The following FAM221B variants were observed in gnomAD, a reference collection of about 807,000 sequenced individuals.
The protein encoded by FAM221B is family with sequence similarity 221 member B, also known as protein FAM221B.
FAM221B carries 35 observed loss-of-function variants against 39.8 expected under a neutral mutation model. The ratio of observed to expected loss-of-function variants is 0.88; its 90% CI spans 0.67 to 1.17. The LOEUF (loss-of-function observed/expected upper bound fraction) is 1.17. FAM221B is among the 50% of genes most tolerant of loss of function. The pLI, the probability that FAM221B is intolerant of heterozygous loss-of-function variation, is 0.00. For missense variants in FAM221B, 479 were observed against 503.1 expected (o/e 0.95, Z 0.46); for synonymous variants, 158 against 178.1 (o/e 0.89, Z 0.90).
chr9:35,826,202 T>TA (rs1268271728), intron 1 of FAM221B, 41 bp from the exon 2 acceptor site: 2 of 1,493,638 alleles, frequency 1.3e-6, no homozygotes, highest in South Asian at 1.3e-5. Flanking sequence ...AGGTTGGAAA[T>TA]AGAGGGCCGG....
chr9:35,824,647 C>T (rs1241442364), intron 3 of FAM221B, among the ~76,000 whole-genome samples: 2 of 151,532 alleles, frequency 1.3e-5, no homozygotes, highest in Non-Finnish European at 2.9e-5. Flanking sequence ...TGGGGTGGGC[C>T]ATGACCCTTC....
chr9:35,825,158 G>T lies in FAM221B; in HGVS notation c.742+72C>A. On this transcript the variant is annotated intron_variant, in intron 3 of 6. Transcript: ENST00000423537. This position sits in a 1 kb window ranked among gnomAD's most constrained non-coding sequence, Gnocchi z 4.2. ...GGGAAGCTATCTGCTGAATGTTCAG[G>T]TTCCCAGATCTTTTGGATTAGAGGA... 1 of 1,565,556 alleles carries T rather than the reference G, an allele frequency of 6.4e-7. No individual in the cohort carries two copies. Among genetic ancestry groups the T allele is most frequent in the East Asian group, 2.3e-5 (1 of 44,436 alleles).
chr9:35,820,054 G>A (rs970919359), intron 3 of FAM221B, 54 bp from the exon 4 acceptor site: 1 of 1,347,646 alleles, frequency 7.4e-7, no homozygotes, highest in East Asian at 2.3e-5. Context: ...CTCCCCCGAA[G>A]TGTTCTTACC....
At chr9:35,819,155 C>T (rs1564005129) in intron 5 of FAM221B, 42 bp downstream of exon 5, 2 of 1,540,164 alleles carry the variant, frequency 1.3e-6, no homozygotes, top group Non-Finnish European at 1.8e-6. Flanking sequence ...ATCCTATCCC[C>T]ACCTACCCTG....
chr9:35,822,324 T>A (rs1829168476), intron 3 of FAM221B, among the ~76,000 whole-genome samples: 1 of 152,192 alleles, frequency 6.6e-6, no homozygotes, highest in Non-Finnish European at 1.5e-5. Context: ...TCCAGGCATT[T>A]CCCTCTCTCT....
intron 3 of FAM221B, among the ~76,000 whole-genome samples, chr9:35,823,251 A>G (rs1564006732): frequency 6.6e-6 from 1 of 152,226 alleles, no homozygotes; most frequent in Non-Finnish European, 1.5e-5. Flanking sequence ...CCTTGATTAT[A>G]GCAATTATTA....
At chr9:35,820,321 T>C (rs1230646908) in intron 3 of FAM221B, among the ~76,000 whole-genome samples, 3 of 152,226 alleles carry the variant, frequency 2.0e-5, no homozygotes, top group Non-Finnish European at 2.9e-5. Context: ...AGGATGAACA[T>C]GAATCTCACT....
At chr9:35,822,399 ACTTTTCTTGTTT>A (rs1246322031) in intron 3 of FAM221B, among the ~76,000 whole-genome samples, 3 of 151,256 alleles carry the variant, frequency 2.0e-5, no homozygotes, top group Non-Finnish European at 4.4e-5. Flanking sequence ...TCTTTTCCCT[ACTTTTCTTGTTT>A]CTTTTCTTTC....
rs1257330385 is a variant in FAM221B at position 35,817,016 on chromosome 9, G to A, written c.*1453C>T. The A allele has an allele frequency of 6.6e-6, 1 of 152,244 alleles. No individual in the cohort carries two copies. The highest frequency in any genetic ancestry group is 1.5e-5 in the Non-Finnish European group (1 of 68,052). The allele number at this position is 152,244 out of a possible 1,614,324, so 9.4% of individuals were successfully genotyped here. ...GGAAGGAAGCCAGTCTGGAGGATAG[G>A]TGGATACAAAGCACTTTGAAATTAG... On this transcript the variant is annotated 3_prime_UTR_variant, in exon 7 of 7. Coordinates refer to ENST00000423537, the MANE Select transcript of FAM221B (RefSeq NM_001012446.4).
chr9:35,822,443 T>G (rs965623066), intron 3 of FAM221B, among the ~76,000 whole-genome samples: 3 of 152,206 alleles, frequency 2.0e-5, no homozygotes, highest in African/African-American at 7.2e-5. Context: ...AGTCTCGCTC[T>G]GTTGCCTAGG....
rs1829522541 is a variant in FAM221B, at chr9:35,828,414, CAG to C, written c.-1+47_-1+48del. 7.2e-6 allele frequency: 6 copies of C among 829,536 alleles called. No individual in the cohort carries two copies. The highest frequency in any genetic ancestry group is 8.7e-6 in the Non-Finnish European group (6 of 688,216). The allele number at this position is 829,536 out of a possible 1,614,324, so 51.4% of individuals were successfully genotyped here. ...AAGGGACTGAGGGGTGGGAGAAAGA[CAG>C]ATGTCTTTGAGGGAAGAGGGCAAGG... On this transcript the variant is annotated intron_variant, in intron 1 of 6. Coordinates refer to ENST00000423537, the MANE Select transcript of FAM221B (RefSeq NM_001012446.4). The surrounding 1 kb of genome is among the most constrained non-coding windows in gnomAD (Gnocchi z 4.5).
Position 35,825,330 on chromosome 9 carries a change from C to A in FAM221B, c.642G>T (p.Leu214=), listed in dbSNP as rs573007083. Residue 214 remains leucine, a synonymous_variant, in exon 3 of 7, where the codon CTG becomes CTT. Coordinates refer to ENST00000423537, the MANE Select transcript of FAM221B (RefSeq NM_001012446.4). This position sits in a 1 kb window ranked among gnomAD's most constrained non-coding sequence, Gnocchi z 4.2. ...RPVFPARQTE[L]VEVAKAMHRE... is the part of the protein sequence containing the mutation. Reference sequence around the variant, plus strand: ...TATGCATTGCCTTAGCCACTTCCACCAGCTCTGTCTGCCTAGCAGGGAACA... The same window carrying A: ...TATGCATTGCCTTAGCCACTTCCACAAGCTCTGTCTGCCTAGCAGGGAACA... 2.8e-5 allele frequency: 45 copies of A among 1,614,132 alleles called. No homozygotes were observed. The Middle Eastern group carries it at 1.3e-3, about 47-fold the overall frequency.
At chr9:35,823,404 G>A (rs983732186) in intron 3 of FAM221B, among the ~76,000 whole-genome samples, 7 of 152,118 alleles carry the variant, frequency 4.6e-5, no homozygotes, top group African/African-American at 1.7e-4. Context: ...AATGTTTGTC[G>A]AATGAATAAA....
At position 35,825,375 on chromosome 9, in the gene FAM221B, T is replaced by C. The variant is rs1317907489; in HGVS notation, c.599-2A>G. On this transcript the variant is annotated splice_acceptor_variant, in intron 2 of 6. Coordinates refer to ENST00000423537, the MANE Select transcript of FAM221B (RefSeq NM_001012446.4). LOFTEE classifies it high-confidence loss of function. The surrounding 1 kb of genome is among the most constrained non-coding windows in gnomAD (Gnocchi z 4.2). The stretch of plus-strand genomic sequence containing the variant: ...GGAACACTGGGCGGGCTGTGTTACC[T>C]AGGATGGGAGAGGATGAGTAACCAG... 1.2e-6 allele frequency: 2 copies of C among 1,614,014 alleles called. No homozygotes were observed. Among genetic ancestry groups the C allele is most frequent in the Admixed American group, 3.3e-5 (2 of 60,016 alleles).
At chr9:35,824,148 C>T (rs556192746) in intron 3 of FAM221B, among the ~76,000 whole-genome samples, 5 of 152,154 alleles carry the variant, frequency 3.3e-5, no homozygotes, top group East Asian at 1.9e-4. Flanking sequence ...GGCCTGTCAT[C>T]GTAGCTCTAT....
intron 3 of FAM221B, chr9:35,821,702 G>T: frequency 9.1e-7 from 1 of 1,098,256 alleles, no homozygotes; most frequent in Non-Finnish European, 1.3e-6. Context: ...GGGCCGGGGG[G>T]CAGTCAAGTC....
At position 35,828,267 on chromosome 9, in the gene FAM221B, G is replaced by A. The variant is rs1399881523; in HGVS notation, c.-1+196C>T. ...AGATCGCACCACTGCACTCCAGCCT[G>A]GGGGACAGAGCGAGACTCTGTCTCA... is the stretch of plus-strand genomic sequence containing the variant. On this transcript the variant is annotated intron_variant, in intron 1 of 6. Transcript: ENST00000423537. The surrounding 1 kb of genome is among the most constrained non-coding windows in gnomAD (Gnocchi z 4.5). 1.3e-5 allele frequency among the ~76,000 whole-genome samples: 2 copies of A among 151,608 alleles called. No individual in the cohort carries two copies. Among genetic ancestry groups the A allele is most frequent in the African/African-American group, 4.9e-5 (2 of 41,180 alleles).
Position 35,819,354 on chromosome 9 carries a change from G to C in FAM221B, c.894C>G (p.Phe298Leu), listed in dbSNP as rs1489796482. 4.5e-6 allele frequency: 7 copies of C among 1,551,632 alleles called. No individual in the cohort carries two copies. The Admixed American group carries it at 1.4e-4, about 30-fold the overall frequency. The change falls in exon 5 of 7, where the codon TTC (phenylalanine) becomes TTG (leucine). Residue 298 changes from phenylalanine to leucine, a missense_variant. Physicochemically the swap from Phe to Leu is conservative, Grantham distance 22. Coordinates refer to ENST00000423537, the MANE Select transcript of FAM221B (RefSeq NM_001012446.4). Reference sequence around the variant, plus strand: ...GGCGTGATGGGATAAAGCAGAACATGAAGCAGCGGCACTGGCTTACCTTGC... The same window carrying C: ...GGCGTGATGGGATAAAGCAGAACATCAAGCAGCGGCACTGGCTTACCTTGC... ...VPCKVSQCRC[F>L]MFCFIPSRPE...
chr9:35,818,924 G>A lies in FAM221B; in HGVS notation c.1137C>T (p.Thr379=). The change falls in exon 6 of 7, where the codon ACC becomes ACT. Residue 379 remains threonine, a synonymous_variant. Coordinates refer to ENST00000423537, the MANE Select transcript of FAM221B (RefSeq NM_001012446.4). ...TTCCTCCTCGTTGCCGGGTCTTCTG[G>A]GTGTCAAAGAAAGTCTCGTGTTCCT... ...RWEEHETFFD[T]QKTRQRGGRP... 3.2e-6 allele frequency: 5 copies of A among 1,551,914 alleles called. No individual in the cohort carries two copies. Among genetic ancestry groups the A allele is most frequent in the Non-Finnish European group, 4.4e-6 (5 of 1,147,062 alleles).
Sources: gnomAD v4.1 joint callset for allele counts (sites outside exome capture counted in the v4.1 genomes callset) on GRCh38, gnomAD v4.1.1 for gene constraint, Gnocchi (gnomAD v3.1) non-coding constraint, MANE v1.5 for transcripts, NCBI Gene and HGNC (gene_info 2026-07-23, HGNC 2026-07-21) for gene names.